PAX2: variants seen among roughly 807,000 people sequenced by gnomAD.
PAX2 encodes the protein paired box 2, also known as paired box protein Pax-2.
A neutral mutation model predicts 41.7 loss-of-function variants in PAX2; 9 were observed. That is an observed-to-expected ratio of 0.22 (90% CI 0.13 to 0.38). The LOEUF (loss-of-function observed/expected upper bound fraction) is 0.38, where lower values mean the gene tolerates loss of function less well. PAX2 is among the 10% of genes least tolerant of loss of function. The pLI is 1.00. For synonymous variants in PAX2, 221 were observed against 212.7 expected (o/e 1.04, Z -0.34); for missense variants, 418 against 531.6 (o/e 0.79, Z 2.10).
intron 1 of PAX2, chr10:100,749,133 A>G: frequency 1.0e-6 from 1 of 985,598 alleles, no homozygotes; most frequent in East Asian, 1.1e-4. Context: ...CCCATCAAAA[A>G]CAAACAACAC....
In PAX2 at chr10:100,748,996, C is replaced by T; in HGVS notation, c.44-750C>T. The T allele has an allele frequency of 2.0e-6, 2 of 985,448 alleles. No homozygotes were observed. Among genetic ancestry groups the T allele is most frequent in the Non-Finnish European group, 2.4e-6 (2 of 829,952 alleles). The allele number at this position is 985,448 out of a possible 1,614,324, so 61.0% of individuals were successfully genotyped here. Reference sequence around the variant, plus strand: ...TGCCTGCTGCCTGGAGCCGCTCTGCCTCCCTGTCTCTGAGCGCAGCAGACC... The same window carrying T: ...TGCCTGCTGCCTGGAGCCGCTCTGCTTCCCTGTCTCTGAGCGCAGCAGACC... On this transcript the variant is annotated intron_variant, in intron 1 of 9. Transcript: ENST00000355243. This position sits in a 1 kb window ranked among gnomAD's most constrained non-coding sequence, Gnocchi z 5.0.
chr10:100,828,626 C>T lies in PAX2; in HGVS notation c.*1007C>T, dbSNP rs1848669111. 1 of 233,426 alleles carries T rather than the reference C, an allele frequency of 4.3e-6. No individual in the cohort carries two copies. Among genetic ancestry groups the T allele is most frequent in the African/African-American group, 2.2e-5 (1 of 45,432 alleles). The allele number at this position is 233,426 out of a possible 1,614,324, so 14.5% of individuals were successfully genotyped here. A position where few individuals can be genotyped will look rare whatever the true frequency, so the allele number is the denominator to read the frequency against. ...TCTTCCTCCAGCAGTTACTTGATGC[C>T]CCCTCCCCCGACACAGACTCTCAAT... On this transcript the variant is annotated 3_prime_UTR_variant, in exon 10 of 10. Coordinates refer to ENST00000355243, the MANE Select transcript of PAX2 (RefSeq NM_000278.5). This position sits in a 1 kb window ranked among gnomAD's most constrained non-coding sequence, Gnocchi z 6.5.
intron 1 of PAX2, chr10:100,747,479 G>A (rs756333330): frequency 3.2e-6 from 1 of 308,246 alleles, no homozygotes; most frequent in Non-Finnish European, 4.7e-6. Flanking sequence ...TTTTTTGCAG[G>A]CTTTTTTTTT....
intron 7 of PAX2, among the ~76,000 whole-genome samples, chr10:100,812,462 G>A (rs1040020600): frequency 6.6e-6 from 1 of 152,150 alleles, no homozygotes; most frequent in African/African-American, 2.4e-5. Context: ...GGCTTTTTCA[G>A]GTTGGCTGGC....
intron 5 of PAX2, among the ~76,000 whole-genome samples, chr10:100,799,241 C>G (rs533147934): frequency 6.6e-6 from 1 of 152,216 alleles, no homozygotes; most frequent in African/African-American, 2.4e-5. Context: ...CTGGTCCCCC[C>G]ACCTCCACGC....
In PAX2 at chr10:100,748,954, A is replaced by G; in HGVS notation, c.44-792A>G. ...CGAGGCGCGGCAGGCAGGCGAGCCC[A>G]AGCAGCCGGCATTCTCTGCCTGCTG... On this transcript the variant is annotated intron_variant, in intron 1 of 9. Coordinates refer to ENST00000355243, the MANE Select transcript of PAX2 (RefSeq NM_000278.5). This position sits in a 1 kb window ranked among gnomAD's most constrained non-coding sequence, Gnocchi z 5.0. 3.0e-6 allele frequency: 3 copies of G among 985,200 alleles called. No homozygotes were observed. The highest frequency in any genetic ancestry group is 3.6e-6 in the Non-Finnish European group (3 of 829,864). 61.0% of individuals were successfully genotyped at this position (985,200 alleles called of 1,614,324 possible).
At chr10:100,742,837 TTCTTC>T (rs1326111786), upstream of PAX2, among the ~76,000 whole-genome samples, 4 of 138,140 alleles carry the variant, frequency 2.9e-5, no homozygotes, top group South Asian at 9.7e-4. Flanking sequence ...TTCCTCTTCT[TTCTTC>T]CTTTTTTTTT....
intron 3 of PAX2, among the ~76,000 whole-genome samples, chr10:100,772,573 T>C (rs573935743): frequency 1.3e-5 from 2 of 152,348 alleles, no homozygotes; most frequent in East Asian, 3.9e-4. Flanking sequence ...CCAGCTAGTC[T>C]GGCACATTTT....
At chr10:100,753,271 G>T (rs79113365) in intron 3 of PAX2, among the ~76,000 whole-genome samples, 1,666 of 152,330 alleles carry the variant, frequency 0.011, 14 homozygotes, top group Non-Finnish European at 0.017. Context: ...ATTTTGGAAA[G>T]AATTCTGGGG....
upstream of PAX2, among the ~76,000 whole-genome samples, chr10:100,741,579 C>G (rs997303349): frequency 6.6e-6 from 1 of 152,004 alleles, no homozygotes; most frequent in Non-Finnish European, 1.5e-5. Flanking sequence ...ATCTGACAGC[C>G]GAGGGTATGC....
intron 5 of PAX2, among the ~76,000 whole-genome samples, chr10:100,793,729 T>C (rs567914500): frequency 1.3e-5 from 2 of 151,906 alleles, no homozygotes; most frequent in Non-Finnish European, 2.9e-5. Flanking sequence ...GAGCTAAGAG[T>C]CCTTGACTGC....
intron 4 of PAX2, 83 bp from the exon 5 acceptor site, chr10:100,781,163 G>GC (rs924951775): frequency 7.2e-7 from 1 of 1,383,710 alleles, no homozygotes; most frequent in Non-Finnish European, 1.0e-6. Flanking sequence ...GCTTCTCTCT[G>GC]CCCCCCAGCC....
At chr10:100,813,761 A>C (rs529942034) in intron 7 of PAX2, among the ~76,000 whole-genome samples, 1 of 152,306 alleles carries the variant, frequency 6.6e-6, no homozygotes, top group Admixed American at 6.5e-5. Context: ...AACTTACATA[A>C]AAATTTGTAC....
intron 5 of PAX2, among the ~76,000 whole-genome samples, chr10:100,789,083 G>A (rs1846996554): frequency 6.6e-6 from 1 of 152,134 alleles, no homozygotes; most frequent in South Asian, 2.1e-4. Context: ...TTGGTAGGGG[G>A]CAGCTGAGCA....
At chr10:100,764,136 A>ATTTTT (rs145391942) in intron 3 of PAX2, among the ~76,000 whole-genome samples, 12 of 103,760 alleles carry the variant, frequency 1.2e-4, no homozygotes, top group East Asian at 5.6e-4. Context: ...CAAACATTGA[A>ATTTTT]TTTTTTTTTT....
intron 3 of PAX2, among the ~76,000 whole-genome samples, 156 bp from the exon 4 acceptor site, chr10:100,779,342 G>A (rs1846516354): frequency 6.6e-6 from 1 of 152,250 alleles, no homozygotes; most frequent in Non-Finnish European, 1.5e-5. Context: ...AAAACCCTGT[G>A]CCTTGCAGCA....
chr10:100,735,808 C>A (rs1844764534), intron 1 of PAX2: 1 of 923,342 alleles, frequency 1.1e-6, no homozygotes, highest in Non-Finnish European at 1.3e-6. Flanking sequence ...ATGGCCGGGG[C>A]GGGCTCCTCT....
At chr10:100,757,857 G>A (rs1398485720) in intron 3 of PAX2, among the ~76,000 whole-genome samples, 2 of 152,188 alleles carry the variant, frequency 1.3e-5, no homozygotes, top group Non-Finnish European at 2.9e-5. Context: ...GCTGTTGAGG[G>A]TATGGGAAGC....
intron 3 of PAX2, among the ~76,000 whole-genome samples, chr10:100,770,516 A>C (rs934390817): frequency 2.0e-5 from 3 of 152,238 alleles, no homozygotes; most frequent in African/African-American, 7.2e-5. Context: ...GCATATCTTG[A>C]AGTTAAATCA....
Sources: gnomAD v4.1 joint callset for allele counts (sites outside exome capture counted in the v4.1 genomes callset) on GRCh38, gnomAD v4.1.1 for gene constraint, Gnocchi (gnomAD v3.1) non-coding constraint, MANE v1.5 for transcripts, NCBI Gene and HGNC (gene_info 2026-07-23, HGNC 2026-07-21) for gene names.